The following NCAM2 variants were observed in gnomAD, a reference collection of about 807,000 sequenced individuals.
NCAM2 encodes the protein N-CAM-2.
NCAM2 carries 30 observed loss-of-function variants against 98.1 expected under a neutral mutation model. The ratio of observed to expected loss-of-function variants is 0.31; its 90% CI spans 0.23 to 0.41. The LOEUF is 0.41. NCAM2 is among the 10% of genes least tolerant of loss of function. NCAM2 has a pLI of 1.00. For synonymous variants in NCAM2, 368 were observed against 342.4 expected (o/e 1.07, Z -0.83); for missense variants, 867 against 1,005.8 (o/e 0.86, Z 1.87).
chr21:21,379,867 TGCCACAATAA>T (rs2076114511), intron 9 of NCAM2, among the ~76,000 whole-genome samples: 1 of 151,950 alleles, frequency 6.6e-6, no homozygotes, highest in Non-Finnish European at 1.5e-5. Context: ...CATCACAAGG[TGCCACAATAA>T]GCCATCTGCA....
At chr21:21,157,018 A>G (rs754983074) in intron 1 of NCAM2, among the ~76,000 whole-genome samples, 10 of 151,848 alleles carry the variant, frequency 6.6e-5, no homozygotes, top group Non-Finnish European at 1.2e-4. Flanking sequence ...CAGGTTTTCA[A>G]TTCATTGCAG....
Position 21,402,600 on chromosome 21 carries a change from T to C in NCAM2, c.1196-7674T>C, listed in dbSNP as rs530252228. Among the ~76,000 whole-genome samples the C allele has an allele frequency of 4.3e-4, 66 of 152,302 alleles. No homozygotes were observed. In the South Asian group the frequency reaches 0.012, roughly 29 times the overall value. The stretch of plus-strand genomic sequence containing the variant: ...TGATCTTTGCTCTGCTTTTTGCCTC[T>C]TGAAGCATGTGACCTACTCCCTGTT... On this transcript the variant is annotated intron_variant, in intron 9 of 17. Coordinates refer to ENST00000400546, the MANE Select transcript of NCAM2 (RefSeq NM_004540.5).
At chr21:21,418,206 C>A (rs1228394457) in intron 10 of NCAM2, among the ~76,000 whole-genome samples, 1 of 151,908 alleles carries the variant, frequency 6.6e-6, no homozygotes, top group Non-Finnish European at 1.5e-5. Flanking sequence ...TTAATAGATA[C>A]ATCGAAGTGG....
At chr21:21,483,116 A>C (rs1986040125) in intron 15 of NCAM2, among the ~76,000 whole-genome samples, 1 of 152,042 alleles carries the variant, frequency 6.6e-6, no homozygotes, top group Non-Finnish European at 1.5e-5. Flanking sequence ...AAACATTTTC[A>C]CCATTTCTTT....
At chr21:21,430,663 T>C (rs1569055077) in intron 11 of NCAM2, among the ~76,000 whole-genome samples, 1 of 151,938 alleles carries the variant, frequency 6.6e-6, no homozygotes, top group Admixed American at 6.6e-5. Context: ...GACTTATTCA[T>C]TATCATGAGA....
At chr21:21,354,283 G>A (rs117606811) in intron 8 of NCAM2, among the ~76,000 whole-genome samples, 1 of 152,050 alleles carries the variant, frequency 6.6e-6, no homozygotes, top group Non-Finnish European at 1.5e-5. Flanking sequence ...GAAATGTACA[G>A]CAATAAATTA....
chr21:21,213,406 G>A (rs1337636327), intron 1 of NCAM2, among the ~76,000 whole-genome samples: 2 of 152,094 alleles, frequency 1.3e-5, no homozygotes, highest in Non-Finnish European at 2.9e-5. Context: ...TTTATGAATA[G>A]CATAATATTG....
At chr21:21,124,372 T>G (rs542299622) in intron 1 of NCAM2, among the ~76,000 whole-genome samples, 14 of 152,278 alleles carry the variant, frequency 9.2e-5, no homozygotes, top group Non-Finnish European at 1.8e-4. Context: ...CAACTTGAGT[T>G]TTGCCTGTTT....
chr21:21,254,231 T>C (rs1003410871), intron 1 of NCAM2, among the ~76,000 whole-genome samples: 3 of 152,230 alleles, frequency 2.0e-5, no homozygotes, highest in Non-Finnish European at 2.9e-5. Flanking sequence ...ACAGAATTTA[T>C]AACATAAATG....
At chr21:21,008,091 C>T (rs997106599) in intron 1 of NCAM2, among the ~76,000 whole-genome samples, 1 of 152,086 alleles carries the variant, frequency 6.6e-6, no homozygotes, top group Admixed American at 6.6e-5. Context: ...ATGCCAAGAA[C>T]AGATTATGTG....
chr21:21,445,468 A>G (rs1297824654), intron 12 of NCAM2, among the ~76,000 whole-genome samples: 2 of 152,132 alleles, frequency 1.3e-5, no homozygotes, highest in African/African-American at 4.8e-5. Context: ...GTGGGAGTCT[A>G]ACTCTCTTTG....
At chr21:21,111,106 C>T (rs566076723) in intron 1 of NCAM2, among the ~76,000 whole-genome samples, 45 of 152,086 alleles carry the variant, frequency 3.0e-4, no homozygotes, top group Admixed American at 1.3e-3. Context: ...ATTCTCCAAA[C>T]CAAACAGTAT....
At chr21:21,338,680 AATGTCGGCTTTACC>A in intron 8 of NCAM2, 146 bp downstream of exon 8, 1 of 827,934 alleles carries the variant, frequency 1.2e-6, no homozygotes, top group African/African-American at 1.8e-5. Flanking sequence ...TAACTAACAC[AATGTCGGCTTTACC>A]ACTTTCGTGG....
intron 1 of NCAM2, among the ~76,000 whole-genome samples, chr21:21,147,852 A>G (rs1253125267): frequency 6.6e-6 from 1 of 150,954 alleles, no homozygotes; most frequent in Non-Finnish European, 1.5e-5. Flanking sequence ...TATATAGGAT[A>G]TTTAAATTAG....
chr21:21,395,029 A>G (rs73324810), intron 9 of NCAM2, among the ~76,000 whole-genome samples: 5,101 of 152,264 alleles, frequency 0.034, 318 homozygotes, highest in African/African-American at 0.12. Context: ...TCTTTCCCTC[A>G]TTGAATGTAT....
chr21:21,246,405 A>G (rs893831802), intron 1 of NCAM2, among the ~76,000 whole-genome samples: 6 of 152,316 alleles, frequency 3.9e-5, no homozygotes, highest in African/African-American at 7.2e-5. Context: ...TAGATAATAT[A>G]GTGGATGAGA....
At chr21:21,410,619 T>TAG (rs2076837623) in intron 10 of NCAM2, among the ~76,000 whole-genome samples, 158 bp downstream of exon 10, 1 of 152,128 alleles carries the variant, frequency 6.6e-6, no homozygotes, top group Non-Finnish European at 1.5e-5. Flanking sequence ...GGTCCATGGC[T>TAG]CATTAATGAT....
intron 4 of NCAM2, chr21:21,289,967 C>G (rs2073235869): frequency 6.6e-6 from 1 of 151,782 alleles, no homozygotes; most frequent in Non-Finnish European, 1.5e-5. Flanking sequence ...TAACGATAAA[C>G]AGAGAAGTGA....
intron 1 of NCAM2, among the ~76,000 whole-genome samples, chr21:21,053,585 T>C (rs2065155036): frequency 1.3e-5 from 2 of 151,190 alleles, no homozygotes; most frequent in African/African-American, 2.4e-5. Context: ...ACATATATAT[T>C]ATAATATTAT....
Sources: allele counts gnomAD v4.1 joint callset (sites outside exome capture counted in the v4.1 genomes callset), GRCh38; gene constraint gnomAD v4.1.1; transcripts MANE v1.5; gene names NCBI Gene and HGNC (gene_info 2026-07-23, HGNC 2026-07-21).